The following SYNJ2 variants were observed in gnomAD, a reference collection of about 807,000 sequenced individuals.
SYNJ2 encodes the protein synaptojanin 2.
A neutral mutation model predicts 141.3 loss-of-function variants in SYNJ2; 116 were observed. That is an observed-to-expected ratio of 0.82 (90% confidence interval 0.71 to 0.96). The LOEUF is 0.96. Among genes scored for constraint, SYNJ2 ranks in the 40% least tolerant of loss-of-function variants. The pLI is 0.00. For synonymous variants in SYNJ2, 745 were observed against 777.7 expected, an observed-to-expected ratio of 0.96 and a Z score of 0.70; for missense variants, 1,873 against 1,934.8, an observed-to-expected ratio of 0.97 and a Z score of 0.60.
chr6:158,066,831 G>A, intron 12 of SYNJ2, 196 bp downstream of exon 12: 1 of 634,408 alleles, frequency 1.6e-6, no homozygotes, highest in Non-Finnish European at 2.7e-6. Flanking sequence ...TTTCCCAGAT[G>A]TTTAGAAGAG....
At chr6:158,055,525 G>GTT (rs1780817885) in intron 6 of SYNJ2, among the ~76,000 whole-genome samples, 1 of 152,036 alleles carries the variant, frequency 6.6e-6, no homozygotes. Flanking sequence ...GTGTGTGTGT[G>GTT]TGTGTGTGTG....
At chr6:158,066,423 C>A (rs1164422190) in intron 11 of SYNJ2, 21 bp from the exon 12 acceptor site, 9 of 1,613,156 alleles carry the variant, frequency 5.6e-6, no homozygotes, top group Admixed American at 1.7e-5. Context: ...AAGAAATGTG[C>A]CTTTTTATGC....
At chr6:158,067,704 G>T (rs1781651600) in intron 12 of SYNJ2, 1 of 985,214 alleles carries the variant, frequency 1.0e-6, no homozygotes. Flanking sequence ...GTAGTACCCA[G>T]AGCCCCATCC....
At chr6:158,068,530 G>C in intron 12 of SYNJ2, 117 bp from the exon 13 acceptor site, 1 of 1,085,378 alleles carries the variant, frequency 9.2e-7, no homozygotes, top group South Asian at 1.5e-5. Context: ...TAGCCACCTG[G>C]AGTTGGACTC....
intron 21 of SYNJ2, among the ~76,000 whole-genome samples, 180 bp downstream of exon 21, chr6:158,083,777 G>A (rs1782856613): frequency 6.6e-6 from 1 of 152,180 alleles, no homozygotes; most frequent in South Asian, 2.1e-4. Context: ...TGCTACCTGG[G>A]ACCCGAGGCA....
chr6:158,010,159 A>G (rs1422480155), intron 1 of SYNJ2, among the ~76,000 whole-genome samples: 3 of 152,122 alleles, frequency 2.0e-5, no homozygotes, highest in Admixed American at 6.5e-5. Context: ...GGCTGAAGCA[A>G]TCCTCCTGCC....
In SYNJ2 at chr6:157,982,074, C is replaced by T; in HGVS notation, c.113C>T (p.Thr38Met). The change falls in exon 1 of 27, where the codon ACG (threonine) becomes ATG (methionine). Residue 38 changes from threonine to methionine, a missense_variant. Thr to Met is a moderately conservative substitution (Grantham distance 81). Transcript: ENST00000355585. This position sits in a 1 kb window ranked among gnomAD's most constrained non-coding sequence, Gnocchi z 4.0. ...GACTGCCTGCTGTTCGAGGCCGGCA[C>T]GGTGGCCACGCTGGGTGAGTCCGGG... ...RDDCLLFEAG[T>M]VATLAPEEKE... The T allele has an allele frequency of 3.0e-6, 4 of 1,336,582 alleles. No homozygotes were observed. The highest frequency in any genetic ancestry group is 3.8e-6 in the Non-Finnish European group (4 of 1,045,042). The allele number at this position is 1,336,582 out of a possible 1,614,324, so 82.8% of individuals were successfully genotyped here. A position where few individuals can be genotyped will look rare whatever the true frequency, so the allele number is the denominator to read the frequency against.
At chr6:158,082,467 A>G (rs1303907975) in intron 20 of SYNJ2, among the ~76,000 whole-genome samples, 1 of 142,714 alleles carries the variant, frequency 7.0e-6, no homozygotes, top group Non-Finnish European at 1.5e-5. Context: ...AGCCCAGGCA[A>G]CAGTGTGAGA....
rs116557296 is a variant in SYNJ2 at position 158,078,010 on chromosome 6, C to T, written c.2450-154C>T. ...TTTTAACCAAAGGCCCCAAAGCATC[C>T]GAAGCCTGGCTTCAAGGTGGAGGAG... On this transcript the variant is annotated intron_variant, in intron 17 of 26. Coordinates refer to ENST00000355585, the MANE Select transcript of SYNJ2 (RefSeq NM_003898.4). 1,444 of 619,874 alleles carry T rather than the reference C, an allele frequency of 2.3e-3. 14 individuals are homozygous for T. Among genetic ancestry groups the T allele is most frequent in the African/African-American group, 0.023 (1,247 of 54,690 alleles). 38.4% of individuals were successfully genotyped at this position (619,874 alleles called of 1,614,324 possible).
chr6:157,981,938 C>T lies in SYNJ2; in HGVS notation c.-24C>T. The T allele has an allele frequency of 8.2e-7, 1 of 1,226,012 alleles. No homozygotes were observed. The highest frequency in any genetic ancestry group is 1.0e-6 in the Non-Finnish European group (1 of 983,800). 75.9% of individuals were successfully genotyped at this position (1,226,012 alleles called of 1,614,324 possible). On this transcript the variant is annotated 5_prime_UTR_variant, in exon 1 of 27. Transcript: ENST00000355585. The surrounding 1 kb of genome is among the most constrained non-coding windows in gnomAD (Gnocchi z 6.4). ...CCTCGGGAGGACGTGGCCCCGGCCC[C>T]CGCCCGCAGTGGGCCCGACCCTCAT...
intron 1 of SYNJ2, among the ~76,000 whole-genome samples, chr6:158,005,284 A>C (rs963510089): frequency 6.6e-6 from 1 of 152,104 alleles, no homozygotes; most frequent in African/African-American, 2.4e-5. Context: ...TCACCATGTT[A>C]GCCAGGATGG....
At chr6:157,996,297 C>T (rs978736212) in intron 1 of SYNJ2, among the ~76,000 whole-genome samples, 8 of 152,170 alleles carry the variant, frequency 5.3e-5, no homozygotes, top group African/African-American at 1.9e-4. Flanking sequence ...TGGTGAATCC[C>T]ACCGAGTCCC....
At chr6:158,063,720 G>T in intron 8 of SYNJ2, 71 bp from the exon 9 acceptor site, 2 of 962,126 alleles carry the variant, frequency 2.1e-6, no homozygotes, top group Non-Finnish European at 1.6e-6. Context: ...AGTCAGACAT[G>T]GGCCTCTGTG....
At chr6:158,066,331 T>C (rs1781561668) in intron 11 of SYNJ2, 113 bp from the exon 12 acceptor site, 2 of 1,233,520 alleles carry the variant, frequency 1.6e-6, no homozygotes, top group African/African-American at 3.0e-5. Context: ...CCCTGGTTTA[T>C]CTCTAGAGGC....
At chr6:158,008,761 A>G (rs553678505) in intron 1 of SYNJ2, among the ~76,000 whole-genome samples, 1 of 152,302 alleles carries the variant, frequency 6.6e-6, no homozygotes, top group South Asian at 2.1e-4. Flanking sequence ...GGCTCAGGCT[A>G]GAGTCCTCTC....
chr6:157,998,076 C>T (rs1229257117), intron 1 of SYNJ2, among the ~76,000 whole-genome samples: 1 of 152,218 alleles, frequency 6.6e-6, no homozygotes, highest in Non-Finnish European at 1.5e-5. Flanking sequence ...CCGGTCTGCT[C>T]AGAGAGGAAT....
intron 1 of SYNJ2, among the ~76,000 whole-genome samples, chr6:158,004,442 A>G (rs759458135): frequency 6.6e-6 from 1 of 152,324 alleles, no homozygotes; most frequent in Non-Finnish European, 1.5e-5. Flanking sequence ...CACTCGCACC[A>G]GCACCATGAC....
chr6:158,004,954 C>A (rs1777998585), intron 1 of SYNJ2, among the ~76,000 whole-genome samples: 1 of 152,086 alleles, frequency 6.6e-6, no homozygotes, highest in Non-Finnish European at 1.5e-5. Flanking sequence ...TGAGTGACCC[C>A]ACCCCTGCAG....
Position 158,043,268 on chromosome 6 carries a change from C to T in SYNJ2, c.712-48C>T, listed in dbSNP as rs367789301. Reference sequence around the variant, plus strand: ...ATCCCGTTACCCAGCCCAGGACGTTCGGTTTCATTGAAGAATACCTTTCCC... The same window carrying T: ...ATCCCGTTACCCAGCCCAGGACGTTTGGTTTCATTGAAGAATACCTTTCCC... On this transcript the variant is annotated intron_variant, in intron 4 of 26. Transcript: ENST00000355585. This position sits in a 1 kb window ranked among gnomAD's most constrained non-coding sequence, Gnocchi z 4.0. 8 of 1,556,124 alleles carry T rather than the reference C, an allele frequency of 5.1e-6. No homozygotes were observed. The highest frequency in any genetic ancestry group is 2.7e-5 in the African/African-American group (2 of 73,812).
Sources: allele counts gnomAD v4.1 joint callset (sites outside exome capture counted in the v4.1 genomes callset), GRCh38; gene constraint gnomAD v4.1.1; non-coding constraint Gnocchi (gnomAD v3.1); transcripts MANE v1.5; gene names NCBI Gene and HGNC (gene_info 2026-07-23, HGNC 2026-07-21).